The following PCNT variants were observed in gnomAD, a reference collection of about 807,000 sequenced individuals.
PCNT encodes the protein kendrin.
A neutral mutation model predicts 380.4 loss-of-function variants in PCNT; 319 were observed. The ratio of observed to expected loss-of-function variants is 0.84; its 90% CI spans 0.77 to 0.92. The LOEUF is 0.92. PCNT is among the 40% of genes least tolerant of loss of function. The pLI is 0.00. For missense variants in PCNT, 4,400 were observed against 4,255.3 expected (o/e 1.03, Z -0.95); for synonymous variants, 1,845 against 1,735.2 (o/e 1.06, Z -1.57).
chr21:46,345,074 C>A (rs1416873944), intron 3 of PCNT, among the ~76,000 whole-genome samples: 2 of 152,182 alleles, frequency 1.3e-5, no homozygotes, highest in Non-Finnish European at 2.9e-5. Context: ...CATCGGTACC[C>A]ACTTTTTCCA....
chr21:46,367,236 T>A, intron 15 of PCNT, 97 bp downstream of exon 15: 2 of 1,043,702 alleles, frequency 1.9e-6, no homozygotes, highest in Non-Finnish European at 1.4e-6. Flanking sequence ...GTGCTGTGTG[T>A]GCCTGTGCGG....
At chr21:46,423,027 C>T (rs555345358) in intron 32 of PCNT, among the ~76,000 whole-genome samples, 2 of 152,242 alleles carry the variant, frequency 1.3e-5, no homozygotes, top group East Asian at 1.9e-4. Context: ...ACAGGAGGAT[C>T]GTTGGAGCCC....
At position 46,359,480 on chromosome 21, in the gene PCNT, G is replaced by GTT. The variant is rs1478908165; in HGVS notation, c.2154+2298_2154+2299dup. Among the ~76,000 whole-genome samples, 175 of 65,714 alleles carry GTT rather than the reference G, an allele frequency of 2.7e-3. 27 individuals carry two copies. Among genetic ancestry groups the GTT allele is most frequent in the East Asian group, 8.3e-3 (18 of 2,170 alleles). 43.1% of individuals were successfully genotyped at this position (65,714 alleles called of 152,430 possible). A position where few individuals can be genotyped will look rare whatever the true frequency, so the allele number is the denominator to read the frequency against. On this transcript the variant is annotated intron_variant, in intron 13 of 46. Transcript: ENST00000359568. ...TAGTATTCTGTCCAAAAATACACCTGTTTTTTTTTTGTTTTTTTTTTTTTT... is the reference window on the plus strand; with the variant it reads ...TAGTATTCTGTCCAAAAATACACCTGTTTTTTTTTTTTGTTTTTTTTTTTTTT...
chr21:46,397,033 C>G (rs963702908), intron 21 of PCNT, among the ~76,000 whole-genome samples: 3 of 152,204 alleles, frequency 2.0e-5, no homozygotes, highest in Admixed American at 6.5e-5. Context: ...GGAGACTGTA[C>G]TGAAGGCAGA....
intron 3 of PCNT, among the ~76,000 whole-genome samples, chr21:46,340,379 G>A (rs558228853): frequency 2.6e-5 from 4 of 152,260 alleles, no homozygotes; most frequent in African/African-American, 7.2e-5. Flanking sequence ...GCCCACTTTT[G>A]TGCTTGCCTT....
At chr21:46,359,490 TG>T (rs201536680) in intron 13 of PCNT, among the ~76,000 whole-genome samples, 16,512 of 85,732 alleles carry the variant, frequency 0.19, 5,817 homozygotes, top group East Asian at 0.41. Context: ...GTTTTTTTTT[TG>T]TTTTTTTTTT....
intron 15 of PCNT, among the ~76,000 whole-genome samples, chr21:46,369,763 G>A (rs902584633): frequency 6.6e-5 from 10 of 152,302 alleles, no homozygotes; most frequent in Admixed American, 3.9e-4. Flanking sequence ...TTTCCTGGAC[G>A]GAAGGAGCTG....
At chr21:46,385,378 C>T (rs2085795503) in intron 16 of PCNT, among the ~76,000 whole-genome samples, 1 of 152,206 alleles carries the variant, frequency 6.6e-6, no homozygotes, top group Non-Finnish European at 1.5e-5. Context: ...CTTTGCCTGC[C>T]TGGCAACTGA....
At chr21:46,433,285 G>A (rs8129286) in intron 38 of PCNT, among the ~76,000 whole-genome samples, 26,843 of 152,194 alleles carry the variant, frequency 0.18, 4,367 homozygotes, top group African/African-American at 0.43. Context: ...CGGGAGGCTG[G>A]GGCAGGAGAA....
chr21:46,425,765 G>T lies in PCNT; in HGVS notation c.7180-66G>T. Reference sequence around the variant, plus strand: ...GTCCTGGCGGCAGCTCGGGGCCGCAGGTGGTGTAGAGCGTGGCTGTGTGGG... The same window carrying T: ...GTCCTGGCGGCAGCTCGGGGCCGCATGTGGTGTAGAGCGTGGCTGTGTGGG... On this transcript the variant is annotated intron_variant, in intron 32 of 46. Transcript: ENST00000359568. The surrounding 1 kb of genome is among the most constrained non-coding windows in gnomAD (Gnocchi z 4.2). The T allele has an allele frequency of 6.2e-7, 1 of 1,608,304 alleles. No individual in the cohort carries two copies. The highest frequency in any genetic ancestry group is 8.5e-7 in the Non-Finnish European group (1 of 1,178,534).
rs963650168 is a variant in PCNT, at chr21:46,365,325, C to T, written c.2610-1259C>T. Among the ~76,000 whole-genome samples the T allele has an allele frequency of 2.0e-5, 2 of 100,190 alleles. 1 individual carries two copies. Among genetic ancestry groups the T allele is most frequent in the Admixed American group, 2.3e-4 (2 of 8,596 alleles). The allele number at this position is 100,190 out of a possible 152,430, so 65.7% of individuals were successfully genotyped here. ...GGGTTCTATTCACTGCCATGGGGTT[C>T]TATTCACTGCCATGGGGTTCTATTC... On this transcript the variant is annotated intron_variant, in intron 14 of 46. Coordinates refer to ENST00000359568, the MANE Select transcript of PCNT (RefSeq NM_006031.6).
chr21:46,374,533 T>C (rs569956137), intron 15 of PCNT, among the ~76,000 whole-genome samples: 4 of 152,144 alleles, frequency 2.6e-5, no homozygotes, highest in Non-Finnish European at 5.9e-5. Context: ...TCCTGGTCTT[T>C]CCTCAGGCTT....
intron 40 of PCNT, among the ~76,000 whole-genome samples, chr21:46,437,899 G>A (rs1042323181): frequency 3.9e-5 from 6 of 152,272 alleles, no homozygotes; most frequent in Admixed American, 2.0e-4. Context: ...AACTAACAAC[G>A]GTCCAGCCAC....
At chr21:46,352,480 C>T (rs920301811) in intron 9 of PCNT, among the ~76,000 whole-genome samples, 6 of 152,126 alleles carry the variant, frequency 3.9e-5, no homozygotes, top group African/African-American at 1.4e-4. Context: ...TCCTGCCTCT[C>T]GGGACCCATG....
chr21:46,325,704 G>C lies in PCNT; in HGVS notation c.55-673G>C, dbSNP rs1039804222. Among the ~76,000 whole-genome samples the C allele has an allele frequency of 1.1e-4, 16 of 152,292 alleles. No individual in the cohort carries two copies. The East Asian group carries it at 2.7e-3, about 26-fold the overall frequency. On this transcript the variant is annotated intron_variant, in intron 1 of 46. Coordinates refer to ENST00000359568, the MANE Select transcript of PCNT (RefSeq NM_006031.6). The stretch of plus-strand genomic sequence containing the variant: ...CCCCGTGAAAGGCTGATGTGGGATC[G>C]ATCGCATACCTCTTGAGTAAGACGT...
chr21:46,332,015 C>T (rs1373706272), intron 2 of PCNT, among the ~76,000 whole-genome samples: 2 of 152,154 alleles, frequency 1.3e-5, no homozygotes, highest in Non-Finnish European at 2.9e-5. Flanking sequence ...CAAAAATTAG[C>T]CGGGTCTCAT....
chr21:46,443,660 A>G, intron 44 of PCNT, 150 bp from the exon 45 acceptor site: 1 of 789,058 alleles, frequency 1.3e-6, no homozygotes, highest in Non-Finnish European at 2.2e-6. Context: ...TTTTAAAAAG[A>G]TATTGTACCT....
At chr21:46,380,871 A>G (rs1432703015) in intron 15 of PCNT, among the ~76,000 whole-genome samples, 1 of 152,098 alleles carries the variant, frequency 6.6e-6, no homozygotes, top group Admixed American at 6.6e-5. Flanking sequence ...AGCTTATTTC[A>G]TTAATTTAAT....
intron 24 of PCNT, 77 bp from the exon 25 acceptor site, chr21:46,399,513 T>G: frequency 9.2e-7 from 1 of 1,081,156 alleles, no homozygotes; most frequent in East Asian, 2.4e-5. Flanking sequence ...TCTGTTGTTT[T>G]GGGTACTTTT....
Sources: allele counts gnomAD v4.1 joint callset (sites outside exome capture counted in the v4.1 genomes callset), GRCh38; gene constraint gnomAD v4.1.1; non-coding constraint Gnocchi (gnomAD v3.1); transcripts MANE v1.5; gene names NCBI Gene and HGNC (gene_info 2026-07-23, HGNC 2026-07-21).